Variants in SLC5A12 observed in about 807,000 individuals in gnomAD.
SLC5A12 encodes the protein sodium-coupled monocarboxylate transporter 2.
Under a neutral mutation model 72.7 loss-of-function variants are expected in SLC5A12, and 46 were observed. The ratio of observed to expected loss-of-function variants is 0.63; its 90% CI spans 0.50 to 0.81. SLC5A12 has a LOEUF of 0.81. Among genes scored for constraint, SLC5A12 ranks in the 30% least tolerant of loss-of-function variants. The probability of loss-of-function intolerance (pLI) is 0.00; values close to 1 mark genes in which losing one functional copy is unlikely to be tolerated. For missense variants in SLC5A12, 683 were observed against 740.7 expected, an observed-to-expected ratio of 0.92 and a Z score of 0.90; for synonymous variants, 275 against 264.4, an observed-to-expected ratio of 1.04 and a Z score of -0.39.
chr11:26,703,858 A>T lies in SLC5A12; in HGVS notation c.615T>A (p.Thr205=). The part of the protein sequence containing the change: ...GFLTVLIQGS[T]HAGGFHNVLE... The stretch of plus-strand genomic sequence containing the variant: ...ATACATTGTGGAATCCCCCAGCATG[A>T]GTTGATCCTTGAATGAGAACCGTTA... Residue 205 remains threonine, a synonymous_variant, in exon 5 of 15, where the codon ACT becomes ACA. Coordinates refer to ENST00000396005, the MANE Select transcript of SLC5A12 (RefSeq NM_178498.4). The T allele has an allele frequency of 6.2e-7, 1 of 1,613,964 alleles. No individual in the cohort carries two copies. Among genetic ancestry groups the T allele is most frequent in the Non-Finnish European group, 8.5e-7 (1 of 1,179,882 alleles).
intron 4 of SLC5A12, among the ~76,000 whole-genome samples, chr11:26,708,347 G>C (rs987471085): frequency 3.9e-5 from 6 of 151,986 alleles, no homozygotes; most frequent in Non-Finnish European, 8.8e-5. Context: ...GGGAAGAGTT[G>C]AGTGTCTGGA....
intron 8 of SLC5A12, among the ~76,000 whole-genome samples, chr11:26,693,846 G>T (rs1854743800): frequency 6.6e-6 from 1 of 152,002 alleles, no homozygotes; most frequent in Non-Finnish European, 1.5e-5. Context: ...TTGCTTGGGG[G>T]GTACTATTCT....
At chr11:26,717,072 T>A (rs889563492) in intron 1 of SLC5A12, among the ~76,000 whole-genome samples, 2 of 152,144 alleles carry the variant, frequency 1.3e-5, no homozygotes, top group African/African-American at 2.4e-5. Context: ...GAAATAGTAT[T>A]CAATAATATC....
At chr11:26,694,937 C>T (rs114501588) in intron 8 of SLC5A12, among the ~76,000 whole-genome samples, 7,063 of 151,850 alleles carry the variant, frequency 0.047, 541 homozygotes, top group African/African-American at 0.16. Context: ...TTTTAGAGTA[C>T]ATAATAAAAC....
chr11:26,686,660 G>A (rs1425791809), intron 9 of SLC5A12, 116 bp from the exon 10 acceptor site: 1 of 823,912 alleles, frequency 1.2e-6, no homozygotes, highest in African/African-American at 1.7e-5. Flanking sequence ...AGGGATCTCA[G>A]CGAGGACCAT....
chr11:26,692,929 G>A (rs1360885215), intron 8 of SLC5A12, among the ~76,000 whole-genome samples: 1 of 152,208 alleles, frequency 6.6e-6, no homozygotes, highest in Admixed American at 6.5e-5. Context: ...GTCTATGTGT[G>A]TGTTCAGGTT....
chr11:26,714,544 C>T (rs1855304747), intron 1 of SLC5A12, among the ~76,000 whole-genome samples: 1 of 152,036 alleles, frequency 6.6e-6, no homozygotes, highest in Admixed American at 6.6e-5. Flanking sequence ...TAATATATGT[C>T]TTTCAGTATA....
chr11:26,689,895 A>C (rs1320193755), intron 9 of SLC5A12, among the ~76,000 whole-genome samples: 3 of 152,218 alleles, frequency 2.0e-5, no homozygotes, highest in Non-Finnish European at 4.4e-5. Flanking sequence ...GATCACAATA[A>C]AGTTTTAAAA....
In SLC5A12 at chr11:26,698,120, A is replaced by G. The variant is rs555581889; in HGVS notation, c.951+286T>C. 1.1e-3 allele frequency among the ~76,000 whole-genome samples: 172 copies of G among 151,344 alleles called. 2 individuals carry two copies. Among genetic ancestry groups the G allele is most frequent in the African/African-American group, 4.1e-3 (169 of 41,246 alleles). On this transcript the variant is annotated intron_variant, in intron 7 of 14. Coordinates refer to ENST00000396005, the MANE Select transcript of SLC5A12 (RefSeq NM_178498.4). ...GCCGTGTTGGCCAGACTGGTCTCGAACTCCTGAGCTCAGGTGATCTGCCCG... is the reference window on the plus strand; with the variant it reads ...GCCGTGTTGGCCAGACTGGTCTCGAGCTCCTGAGCTCAGGTGATCTGCCCG...
intron 3 of SLC5A12, among the ~76,000 whole-genome samples, chr11:26,711,088 A>G (rs1308568079): frequency 6.6e-6 from 1 of 152,144 alleles, no homozygotes; most frequent in East Asian, 1.9e-4. Flanking sequence ...CAAAATTGGT[A>G]TCTAGAAGTA....
rs772607685 is a variant in SLC5A12, at chr11:26,669,372, G to A, written c.*1730C>T. The A allele has an allele frequency of 6.6e-6, 1 of 151,500 alleles. No homozygotes were observed. The highest frequency in any genetic ancestry group is 2.4e-5 in the African/African-American group (1 of 41,304). 9.4% of individuals were successfully genotyped at this position (151,500 alleles called of 1,614,324 possible). On this transcript the variant is annotated 3_prime_UTR_variant, in exon 15 of 15. Transcript: ENST00000396005. ...GGAAAATAATTGCACCTCTCAATTT[G>A]CAAATCCTTAGATCAACAGCTTAAT...
At chr11:26,685,347 C>A (rs187998456) in intron 10 of SLC5A12, among the ~76,000 whole-genome samples, 1 of 152,104 alleles carries the variant, frequency 6.6e-6, no homozygotes, top group Non-Finnish European at 1.5e-5. Flanking sequence ...AAAGGCCAGG[C>A]GTAGTGGCTC....
chr11:26,696,482 T>C (rs990724921), intron 8 of SLC5A12, among the ~76,000 whole-genome samples: 1 of 152,220 alleles, frequency 6.6e-6, no homozygotes, highest in African/African-American at 2.4e-5. Context: ...AAATGCATTG[T>C]TAGGTGATTT....
intron 1 of SLC5A12, among the ~76,000 whole-genome samples, chr11:26,717,544 A>G (rs1855378967): frequency 6.6e-6 from 1 of 152,210 alleles, no homozygotes; most frequent in Non-Finnish European, 1.5e-5. Context: ...TTCCCTATAC[A>G]TTGACTTGTG....
chr11:26,675,480 G>A (rs191417932), intron 13 of SLC5A12, among the ~76,000 whole-genome samples: 1 of 152,166 alleles, frequency 6.6e-6, no homozygotes, highest in Non-Finnish European at 1.5e-5. Flanking sequence ...TCAGTGGACT[G>A]CTGAGAAAAT....
chr11:26,680,374 TA>T, intron 12 of SLC5A12, among the ~76,000 whole-genome samples: 1 of 99,084 alleles, frequency 1.0e-5, no homozygotes, highest in East Asian at 3.0e-4. Context: ...TATATATTCA[TA>T]TATATATGTA....
At chr11:26,704,056 C>T in intron 4 of SLC5A12, 109 bp from the exon 5 acceptor site, 1 of 1,190,684 alleles carries the variant, frequency 8.4e-7, no homozygotes, top group Admixed American at 2.0e-5. Flanking sequence ...TATTCAGCAT[C>T]AGCCACTGAG....
At chr11:26,683,927 A>G in intron 10 of SLC5A12, 84 bp from the exon 11 acceptor site, 1 of 1,072,638 alleles carries the variant, frequency 9.3e-7, no homozygotes, top group African/African-American at 1.6e-5. Context: ...TGGACCTGGG[A>G]TAATATTGGG....
intron 10 of SLC5A12, 65 bp from the exon 11 acceptor site, chr11:26,683,908 TA>T: frequency 7.7e-7 from 1 of 1,295,754 alleles, no homozygotes; most frequent in Admixed American, 2.0e-5. Flanking sequence ...CCTGGCATCA[TA>T]CCTCTCTTGG....
Sources: gnomAD v4.1 joint callset for allele counts (sites outside exome capture counted in the v4.1 genomes callset) on GRCh38, gnomAD v4.1.1 for gene constraint, MANE v1.5 for transcripts, NCBI Gene and HGNC (gene_info 2026-07-23, HGNC 2026-07-21) for gene names.